The following CWC22 variants were observed in gnomAD, a reference collection of about 807,000 sequenced individuals.
The protein encoded by CWC22 is pre-mRNA-splicing factor CWC22 homolog.
A neutral mutation model predicts 117.2 loss-of-function variants in CWC22; 53 were observed. The observed-to-expected ratio is 0.45, with a 90% CI of 0.36 to 0.57. CWC22 has a LOEUF of 0.57. Ranked by LOEUF, CWC22 falls within the 20% of genes least tolerant of loss-of-function variation. The pLI is 0.00. For synonymous variants in CWC22, 360 were observed against 355.6 expected (o/e 1.01, Z -0.14); for missense variants, 980 against 1,068.8 (o/e 0.92, Z 1.16).
chr2:179,962,007 C>T lies in CWC22; in HGVS notation c.1397+2540G>A, dbSNP rs112304525. On this transcript the variant is annotated intron_variant, in intron 13 of 19. Coordinates refer to ENST00000410053, the MANE Select transcript of CWC22 (RefSeq NM_020943.3). The stretch of plus-strand genomic sequence containing the variant: ...TTACAAATGGTTTTGTTGATGTGTC[C>T]AATATCAGAAACTCTAAACAGGTGG... 9.7e-3 allele frequency among the ~76,000 whole-genome samples: 1,472 copies of T among 152,008 alleles called. 24 individuals carry two copies. Among genetic ancestry groups the T allele is most frequent in the African/African-American group, 0.029 (1,198 of 41,464 alleles).
rs111616117 is a variant in CWC22 at position 179,993,465 on chromosome 2, T to C, written c.-113-11A>G. ...GTCTGCAAACATCACCTATAAAATA[T>C]ACCAAAGAAAGCTTTATTAACACTA... On this transcript the variant is annotated splice_polypyrimidine_tract_variant and intron_variant, in intron 1 of 19. Coordinates refer to ENST00000410053, the MANE Select transcript of CWC22 (RefSeq NM_020943.3). The C allele has an allele frequency of 1.5e-5, 10 of 673,630 alleles. No individual in the cohort carries two copies. The highest frequency in any genetic ancestry group is 5.4e-5 in the African/African-American group (3 of 55,214). The allele number at this position is 673,630 out of a possible 1,614,324, so 41.7% of individuals were successfully genotyped here. A position where few individuals can be genotyped will look rare whatever the true frequency, so the allele number is the denominator to read the frequency against.
At chr2:179,962,694 T>C (rs1686784744) in intron 13 of CWC22, among the ~76,000 whole-genome samples, 1 of 152,102 alleles carries the variant, frequency 6.6e-6, no homozygotes, top group Admixed American at 6.5e-5. Context: ...CATATTTATA[T>C]CTTTAGGAAA....
rs761629997 is a variant in CWC22 at position 179,986,695 on chromosome 2, C to G, written c.206G>C (p.Arg69Pro). Residue 69 changes from arginine to proline, a missense_variant and splice_region_variant, in exon 4 of 20, where the codon CGA becomes CCA. By Grantham distance (103) the Arg-to-Pro change is moderately radical. This residue lies in a region of CWC22 where 559 missense variants were observed against 602.3 expected (regional missense o/e 0.93). Transcript: ENST00000410053. ...CAAGTTAGAAATTCCCAACACTAAC[C>G]GTGACTCCATGCTACTATCATAAGA... Reference protein sequence around the residue: ...GRSYDSSMESRNRDREKRRER... With the variant: ...GRSYDSSMESPNRDREKRRER... The G allele has an allele frequency of 1.3e-6, 2 of 1,540,076 alleles. No homozygotes were observed. Among genetic ancestry groups the G allele is most frequent in the East Asian group, 2.3e-5 (1 of 44,254 alleles).
rs369171064 is a variant in CWC22, at chr2:179,945,663, A to G, written c.2193T>C (p.Asp731=). 5.6e-6 allele frequency: 9 copies of G among 1,610,124 alleles called. No homozygotes were observed. The Admixed American group carries it at 8.4e-5, about 15-fold the overall frequency. Residue 731 remains aspartate, a synonymous_variant, in exon 20 of 20, where the codon GAT becomes GAC. Coordinates refer to ENST00000410053, the MANE Select transcript of CWC22 (RefSeq NM_020943.3). The part of the protein sequence containing the change: ...GHGKTRSKEV[D]KLIRNQQTND... ...TTGTTTGCTGGTTTCTGATCAATTT[A>G]TCTACCTCTTTACTTCTGGTCTTCC...
intron 4 of CWC22, among the ~76,000 whole-genome samples, chr2:179,983,713 T>C (rs1176149395): frequency 6.6e-6 from 1 of 152,166 alleles, no homozygotes; most frequent in African/African-American, 2.4e-5. Flanking sequence ...ATAGACAATC[T>C]GTATACACCA....
intron 4 of CWC22, among the ~76,000 whole-genome samples, chr2:179,983,545 G>T (rs1208633938): frequency 7.2e-5 from 11 of 152,036 alleles, no homozygotes; most frequent in Non-Finnish European, 1.6e-4. Flanking sequence ...CTATGGCTTT[G>T]CTATTGTCAA....
At chr2:179,999,242 C>G (rs745387132) in intron 1 of CWC22, among the ~76,000 whole-genome samples, 2 of 152,112 alleles carry the variant, frequency 1.3e-5, no homozygotes, top group Non-Finnish European at 2.9e-5. Context: ...ATCGGAAATT[C>G]CTGAAATGAG....
At position 179,950,826 on chromosome 2, in the gene CWC22, T is replaced by C. The variant is rs1201160966; in HGVS notation, c.1918A>G (p.Thr640Ala). ...FFTSIGLGGL[T>A]DELREHLKNT... Reference sequence around the variant, plus strand: ...ATAAATTCTGAGAATAATCCTTACGTTAAACCTCCAAGACCTATAGAAGTA... The same window carrying C: ...ATAAATTCTGAGAATAATCCTTACGCTAAACCTCCAAGACCTATAGAAGTA... The change falls in exon 18 of 20, where the codon ACG becomes GCG. Residue 640 changes from threonine to alanine, a missense_variant and splice_region_variant. By Grantham distance (58) the Thr-to-Ala change is moderately conservative. Coordinates refer to ENST00000410053, the MANE Select transcript of CWC22 (RefSeq NM_020943.3). 1 of 1,602,690 alleles carries C rather than the reference T, an allele frequency of 6.2e-7. No homozygotes were observed. Among genetic ancestry groups the C allele is most frequent in the Non-Finnish European group, 8.5e-7 (1 of 1,172,306 alleles).
intron 4 of CWC22, among the ~76,000 whole-genome samples, chr2:179,985,949 G>A (rs977928341): frequency 3.3e-5 from 5 of 151,922 alleles, no homozygotes; most frequent in African/African-American, 1.2e-4. Flanking sequence ...TTTCTACAAG[G>A]GAGAAAAAGA....
In CWC22 at chr2:179,965,938, C is replaced by T. The variant is rs375895391; in HGVS notation, c.1255G>A (p.Ala419Thr). 5.6e-6 allele frequency: 9 copies of T among 1,611,732 alleles called. No homozygotes were observed. The highest frequency in any genetic ancestry group is 2.2e-5 in the East Asian group (1 of 44,866). ...TCCTCGTCCTCTTCACTACTCCCAG[C>T]ATCCTGGTCTGTGTTCGAGTCAGTA... ...GDTDSNTDQD[A>T]GSSEEDEEEE... is the part of the protein sequence containing the mutation. Residue 419 changes from alanine to threonine, a missense_variant, in exon 12 of 20, where the codon GCT (alanine) becomes ACT (threonine). Ala to Thr is a moderately conservative substitution (Grantham distance 58, BLOSUM62 0). Coordinates refer to ENST00000410053, the MANE Select transcript of CWC22 (RefSeq NM_020943.3).
At chr2:179,967,570 T>C (rs1463020380) in intron 11 of CWC22, among the ~76,000 whole-genome samples, 4 of 152,228 alleles carry the variant, frequency 2.6e-5, no homozygotes, top group Admixed American at 2.6e-4. Context: ...AAACAAGGCA[T>C]CAAACTTCAC....
chr2:179,988,819 A>G (rs1349381569), intron 2 of CWC22, among the ~76,000 whole-genome samples, 175 bp from the exon 3 acceptor site: 1 of 152,202 alleles, frequency 6.6e-6, no homozygotes, highest in Admixed American at 6.5e-5. Context: ...CAAAATCTTC[A>G]GACCATCCCA....
intron 19 of CWC22, among the ~76,000 whole-genome samples, chr2:179,946,114 C>T (rs1356429819): frequency 6.6e-6 from 1 of 152,018 alleles, no homozygotes; most frequent in Admixed American, 6.6e-5. Context: ...AACTCCTGAC[C>T]TCAGGTGATC....
intron 19 of CWC22, 144 bp from the exon 20 acceptor site, chr2:179,945,859 T>C: frequency 1.7e-6 from 1 of 591,212 alleles, no homozygotes. Flanking sequence ...GAAAGTCTGA[T>C]GACACAGAGT....
At chr2:179,980,839 T>C (rs1687268530) in intron 5 of CWC22, among the ~76,000 whole-genome samples, 1 of 152,214 alleles carries the variant, frequency 6.6e-6, no homozygotes, top group East Asian at 1.9e-4. Context: ...ATACCTTCTA[T>C]CCCAATCTTT....
rs369603092 is a variant in CWC22, at chr2:179,988,606, T to C, written c.66A>G (p.Ser22=). 3.3e-4 allele frequency: 510 copies of C among 1,531,250 alleles called. No homozygotes were observed. The highest frequency in any genetic ancestry group is 6.1e-4 in the Admixed American group (31 of 50,632). The allele number at this position is 1,531,250 out of a possible 1,614,324, so 94.9% of individuals were successfully genotyped here. Residue 22 remains serine (S), a synonymous_variant, in exon 3 of 20, where the codon TCA becomes TCG. Transcript: ENST00000410053. The part of the protein sequence containing the change: ...SGHDRRENLN[S]YQRNSSPEDR... ...CTTCTGGAGAGGAGTTCCTCTGATA[T>C]GAATTAAGGTTTTCCCTTCTGTCAT...
intron 14 of CWC22, among the ~76,000 whole-genome samples, chr2:179,956,619 A>T (rs995026566): frequency 6.7e-6 from 1 of 150,350 alleles, no homozygotes; most frequent in African/African-American, 2.4e-5. Flanking sequence ...AATAAAGATA[A>T]GTCTCAAGTT....
intron 13 of CWC22, among the ~76,000 whole-genome samples, 180 bp from the exon 14 acceptor site, chr2:179,959,262 A>C (rs1686685360): frequency 6.6e-6 from 1 of 152,176 alleles, no homozygotes; most frequent in Admixed American, 6.5e-5. Context: ...CAATACATAC[A>C]ACATGGATGA....
intron 11 of CWC22, among the ~76,000 whole-genome samples, chr2:179,969,341 G>GAAA (rs1372890845): frequency 6.6e-6 from 1 of 152,168 alleles, no homozygotes; most frequent in Non-Finnish European, 1.5e-5. Context: ...ATATTACAGT[G>GAAA]AAAAGCTCCT....
Sources: allele counts gnomAD v4.1 joint callset (sites outside exome capture counted in the v4.1 genomes callset), GRCh38; gene constraint gnomAD v4.1.1; regional missense constraint gnomAD v4.1.1; transcripts MANE v1.5; gene names NCBI Gene and HGNC (gene_info 2026-07-23, HGNC 2026-07-21).